The following PCDH15 variants were observed in gnomAD, a reference collection of about 807,000 sequenced individuals.
PCDH15 encodes protocadherin-15.
In PCDH15, 129 loss-of-function variants were observed where a neutral mutation model predicts 178.5. That is an observed-to-expected ratio of 0.72 (90% confidence interval 0.63 to 0.84). The LOEUF (loss-of-function observed/expected upper bound fraction) is 0.84, where lower values mean the gene tolerates loss of function less well. Ranked by LOEUF, PCDH15 falls within the 40% of genes least tolerant of loss-of-function variation. The probability of loss-of-function intolerance (pLI) is 0.00; values close to 1 mark genes in which losing one functional copy is unlikely to be tolerated. For synonymous variants in PCDH15, 800 were observed against 732.0 expected (o/e 1.09, Z -1.50); for missense variants, 2,230 against 2,099.9 (o/e 1.06, Z -1.21).
intron 2 of PCDH15, among the ~76,000 whole-genome samples, chr10:54,955,870 A>G (rs1838472567): frequency 6.6e-6 from 1 of 151,264 alleles, no homozygotes; most frequent in South Asian, 2.1e-4. Flanking sequence ...AAATAGACAA[A>G]TTTACTCTGA....
chr10:55,200,801 C>T (rs576236022), intron 1 of PCDH15, among the ~76,000 whole-genome samples: 1 of 152,108 alleles, frequency 6.6e-6, no homozygotes, highest in Non-Finnish European at 1.5e-5. Context: ...GTGTGTAGTG[C>T]TCTCCACTTC....
At chr10:55,501,878 T>C (rs1840663708) in intron 2 of PCDH15, among the ~76,000 whole-genome samples, 1 of 151,796 alleles carries the variant, frequency 6.6e-6, no homozygotes, top group South Asian at 2.1e-4. Flanking sequence ...ACTAACTTTG[T>C]ACTTGACATA....
chr10:54,382,424 T>C (rs1949355210), intron 3 of PCDH15, among the ~76,000 whole-genome samples: 1 of 152,168 alleles, frequency 6.6e-6, no homozygotes, highest in Non-Finnish European at 1.5e-5. Context: ...TAAGATCTTC[T>C]CACATAGCTA....
intron 8 of PCDH15, among the ~76,000 whole-genome samples, chr10:54,311,292 A>G (rs913813477): frequency 6.6e-6 from 1 of 152,064 alleles, no homozygotes; most frequent in Non-Finnish European, 1.5e-5. Flanking sequence ...TATATCATTC[A>G]TTTTTCTGTC....
intron 2 of PCDH15, among the ~76,000 whole-genome samples, chr10:54,978,249 C>T (rs1432308142): frequency 6.6e-6 from 1 of 152,040 alleles, no homozygotes; most frequent in Non-Finnish European, 1.5e-5. Flanking sequence ...TATAAGTACA[C>T]AGGGAGTCTG....
intron 8 of PCDH15, among the ~76,000 whole-genome samples, chr10:54,290,248 C>T (rs767139337): frequency 2.0e-5 from 3 of 152,160 alleles, no homozygotes; most frequent in Non-Finnish European, 2.9e-5. Flanking sequence ...ATTCAACGTT[C>T]TTAAAGAAAA....
intron 3 of PCDH15, among the ~76,000 whole-genome samples, chr10:54,407,472 G>A (rs1952837803): frequency 6.6e-6 from 1 of 152,028 alleles, no homozygotes; most frequent in Non-Finnish European, 1.5e-5. Context: ...TCTGGATAAT[G>A]GCTCCAGGAT....
intron 2 of PCDH15, among the ~76,000 whole-genome samples, chr10:55,029,116 T>G (rs964232911): frequency 3.3e-5 from 5 of 151,998 alleles, no homozygotes; most frequent in Non-Finnish European, 5.9e-5. Flanking sequence ...AATTGAGGGC[T>G]GTAATTAAGA....
At chr10:55,300,000 C>T (rs1291115450) in intron 1 of PCDH15, among the ~76,000 whole-genome samples, 2 of 152,060 alleles carry the variant, frequency 1.3e-5, no homozygotes, top group Non-Finnish European at 2.9e-5. Context: ...TAAATGCATT[C>T]GTTTTATCAA....
intron 3 of PCDH15, among the ~76,000 whole-genome samples, chr10:54,474,271 A>G (rs1207976530): frequency 1.3e-5 from 2 of 151,910 alleles, no homozygotes; most frequent in East Asian, 1.9e-4. Flanking sequence ...TCTTCAATAC[A>G]AAGAAAAAAA....
At chr10:54,615,117 T>C (rs766361021) in intron 2 of PCDH15, among the ~76,000 whole-genome samples, 2 of 152,066 alleles carry the variant, frequency 1.3e-5, no homozygotes, top group African/African-American at 2.4e-5. Flanking sequence ...GAAAGGTAGC[T>C]ATTACCTAAA....
chr10:54,499,681 G>A (rs757826460), intron 3 of PCDH15, among the ~76,000 whole-genome samples: 1 of 152,094 alleles, frequency 6.6e-6, no homozygotes, highest in Non-Finnish European at 1.5e-5. Context: ...GCATTGTTAA[G>A]AGGAAGGTTC....
At chr10:55,005,228 T>TAATAATAA (rs1564708136) in intron 2 of PCDH15, among the ~76,000 whole-genome samples, 1 of 147,902 alleles carries the variant, frequency 6.8e-6, no homozygotes, top group African/African-American at 2.5e-5. Flanking sequence ...ATAATAATAA[T>TAATAATAA]CAATGGAGCC....
intron 3 of PCDH15, among the ~76,000 whole-genome samples, chr10:54,417,152 G>A (rs1320915125): frequency 1.3e-5 from 2 of 152,038 alleles, no homozygotes; most frequent in Non-Finnish European, 2.9e-5. Context: ...AGTCTCCCAA[G>A]GTGCTGGGAT....
intron 8 of PCDH15, among the ~76,000 whole-genome samples, chr10:54,284,830 T>C (rs1348927546): frequency 6.6e-6 from 1 of 152,114 alleles, no homozygotes; most frequent in Admixed American, 6.5e-5. Flanking sequence ...AGTAAAAAAT[T>C]AATCAGGAGT....
intron 2 of PCDH15, among the ~76,000 whole-genome samples, chr10:55,539,501 G>C (rs1053028696): frequency 6.6e-6 from 1 of 151,850 alleles, no homozygotes; most frequent in African/African-American, 2.4e-5. Context: ...TACTTCAAAA[G>C]AAAGTAAAAT....
At chr10:54,031,257 T>G (rs556172975) in intron 18 of PCDH15, among the ~76,000 whole-genome samples, 3 of 152,154 alleles carry the variant, frequency 2.0e-5, no homozygotes, top group African/African-American at 7.2e-5. Context: ...TTTGTTTGTT[T>G]TTATTTTCCC....
At chr10:55,131,303 G>C (rs1188118080) in intron 2 of PCDH15, among the ~76,000 whole-genome samples, 1 of 152,130 alleles carries the variant, frequency 6.6e-6, no homozygotes, top group Non-Finnish European at 1.5e-5. Context: ...TTCCACTGTG[G>C]GCACTGGGAA....
intron 1 of PCDH15, 70 bp from the exon 2 acceptor site, chr10:54,664,360 C>T (rs1285396156): frequency 1.0e-6 from 1 of 978,694 alleles, no homozygotes; most frequent in African/African-American, 1.6e-5. Flanking sequence ...ACACAATTGT[C>T]ACAGCACAGA....
Sources: gnomAD v4.1 joint callset for allele counts (sites outside exome capture counted in the v4.1 genomes callset) on GRCh38, gnomAD v4.1.1 for gene constraint, MANE v1.5 for transcripts, NCBI Gene and HGNC (gene_info 2026-07-23, HGNC 2026-07-21) for gene names.